The following RARB variants were observed in gnomAD, a reference collection of about 807,000 sequenced individuals.
RARB encodes HBV-activated protein.
In RARB, 17 loss-of-function variants were observed where a neutral mutation model predicts 51.9. That is an observed-to-expected ratio of 0.33 (90% confidence interval 0.22 to 0.49). The LOEUF (loss-of-function observed/expected upper bound fraction) is 0.49, where lower values mean the gene tolerates loss of function less well. Ranked by LOEUF, RARB falls within the 20% of genes least tolerant of loss-of-function variation. The probability of loss-of-function intolerance (pLI) is 0.99; values close to 1 mark genes in which losing one functional copy is unlikely to be tolerated. For missense variants in RARB, 369 were observed against 550.8 expected, an observed-to-expected ratio of 0.67 and a Z score of 3.30; for synonymous variants, 215 against 195.4, an observed-to-expected ratio of 1.10 and a Z score of -0.84.
At chr3:25,000,742 G>A (rs577597634) in intron 2 of RARB, among the ~76,000 whole-genome samples, 2 of 152,180 alleles carry the variant, frequency 1.3e-5, no homozygotes, top group East Asian at 1.9e-4. Flanking sequence ...GAGAAGTGGA[G>A]AACATAATTT....
At chr3:24,943,643 T>C (rs778986850) in intron 2 of RARB, among the ~76,000 whole-genome samples, 4 of 152,236 alleles carry the variant, frequency 2.6e-5, no homozygotes, top group Admixed American at 6.5e-5. Flanking sequence ...AGCCTCTTCA[T>C]TGTCTTTATT....
In RARB at chr3:25,286,149, CAT is replaced by C. The variant is rs1559344371; in HGVS notation, c.178+111575_178+111576del. Among the ~76,000 whole-genome samples, 65 of 124,096 alleles carry C rather than the reference CAT, an allele frequency of 5.2e-4. No homozygotes were observed. The East Asian group carries it at 0.015, about 30-fold the overall frequency. 81.4% of individuals were successfully genotyped at this position (124,096 alleles called of 152,430 possible). A position where few individuals can be genotyped will look rare whatever the true frequency, so the allele number is the denominator to read the frequency against. On this transcript the variant is annotated intron_variant, in intron 5 of 11. Coordinates refer to the RARB transcript ENST00000383772. ...TGTCACCAAGGCTGGAGTGCAGTGG[CAT>C]GATCTCAGCTCACTGCAAGCTCCAT... is the stretch of plus-strand genomic sequence containing the variant.
chr3:25,461,234 A>T lies in RARB; in HGVS notation c.199A>T (p.Ser67Cys). The T allele has an allele frequency of 6.2e-7, 1 of 1,613,904 alleles. No individual in the cohort carries two copies. The highest frequency in any genetic ancestry group is 1.1e-5 in the South Asian group (1 of 91,048). ...QSTSSEELVP[S>C]PPSPLPPPRV... ...CACCAGCTCTGAGGAACTCGTCCCAAGCCCCCCATCTCCACTTCCTCCCCC... is the reference window on the plus strand; with the variant it reads ...CACCAGCTCTGAGGAACTCGTCCCATGCCCCCCATCTCCACTTCCTCCCCC... The change falls in exon 2 of 8, where the codon AGC becomes TGC. Residue 67 changes from serine (S) to cysteine (C), a missense_variant. Ser to Cys is a moderately radical substitution (Grantham distance 112). Coordinates refer to ENST00000330688, the MANE Select transcript of RARB (RefSeq NM_000965.5).
intron 5 of RARB, among the ~76,000 whole-genome samples, chr3:25,416,873 C>G (rs900768472): frequency 1.3e-5 from 2 of 152,152 alleles, no homozygotes; most frequent in Non-Finnish European, 2.9e-5. Context: ...TCACAATAGC[C>G]TCCTCTGTTA....
At chr3:25,213,280 C>A (rs564575222) in intron 5 of RARB, among the ~76,000 whole-genome samples, 1 of 152,124 alleles carries the variant, frequency 6.6e-6, no homozygotes, top group Non-Finnish European at 1.5e-5. Flanking sequence ...ATCTGTACAG[C>A]TTTCTTTTGT....
At chr3:25,188,739 C>G (rs1252500793) in intron 5 of RARB, among the ~76,000 whole-genome samples, 2 of 86,652 alleles carry the variant, frequency 2.3e-5, no homozygotes, top group East Asian at 3.3e-4. Flanking sequence ...TATACATCAT[C>G]TTGTTTTTTA....
intron 5 of RARB, among the ~76,000 whole-genome samples, chr3:25,280,326 G>C (rs562071877): frequency 6.6e-6 from 1 of 152,278 alleles, no homozygotes; most frequent in African/African-American, 2.4e-5. Flanking sequence ...ACTCTCAAAT[G>C]AGGGTTTTTT....
intron 2 of RARB, among the ~76,000 whole-genome samples, chr3:25,038,187 C>A (rs74539999): frequency 1.3e-5 from 2 of 152,056 alleles, no homozygotes; most frequent in African/African-American, 4.8e-5. Context: ...GCCTCAGTTT[C>A]CCCATTTTTG....
At chr3:24,930,139 A>G (rs949252631) in intron 2 of RARB, among the ~76,000 whole-genome samples, 6 of 152,134 alleles carry the variant, frequency 3.9e-5, no homozygotes, top group Non-Finnish European at 7.4e-5. Context: ...CTAACACACA[A>G]AGTAGAAACA....
chr3:25,125,635 G>A lies in RARB; in HGVS notation c.-327-6526G>A, dbSNP rs114878575. The stretch of plus-strand genomic sequence containing the variant: ...AATAAATTGAATACTCTGACAGTGG[G>A]ATTAAATCTCCATAATCAGAAGCAT... On this transcript the variant is annotated intron_variant, in intron 3 of 11. Coordinates refer to the RARB transcript ENST00000383772. Among the ~76,000 whole-genome samples, 998 of 152,230 alleles carry A rather than the reference G, an allele frequency of 6.6e-3. 7 individuals carry two copies. Among genetic ancestry groups the A allele is most frequent in the African/African-American group, 0.022 (908 of 41,536 alleles).
chr3:24,988,018 T>G (rs1696831577), intron 2 of RARB, among the ~76,000 whole-genome samples: 1 of 152,068 alleles, frequency 6.6e-6, no homozygotes, highest in Non-Finnish European at 1.5e-5. Context: ...CATTTTACAG[T>G]AAGTAACAGA....
intron 4 of RARB, among the ~76,000 whole-genome samples, chr3:25,156,719 G>T (rs1575186182): frequency 6.6e-6 from 1 of 152,190 alleles, no homozygotes; most frequent in African/African-American, 2.4e-5. Flanking sequence ...CTTGGCATAA[G>T]ATGTCCAAGG....
chr3:24,998,982 C>CT (rs1041009209), intron 2 of RARB, among the ~76,000 whole-genome samples: 25 of 152,174 alleles, frequency 1.6e-4, no homozygotes, highest in African/African-American at 5.8e-4. Context: ...AATGAAAAAA[C>CT]TTGGATTCCA....
chr3:25,152,901 C>T (rs1195888458), intron 4 of RARB, among the ~76,000 whole-genome samples: 1 of 152,110 alleles, frequency 6.6e-6, no homozygotes. Context: ...CCAAGAAAAT[C>T]TAAAACTTCG....
chr3:25,401,198 A>C (rs1371979630), intron 5 of RARB, among the ~76,000 whole-genome samples: 2 of 152,146 alleles, frequency 1.3e-5, no homozygotes, highest in South Asian at 2.1e-4. Context: ...ACAACACCAT[A>C]AGGGTAGGTG....
chr3:25,359,961 G>C (rs573047866), intron 5 of RARB, among the ~76,000 whole-genome samples: 1 of 152,294 alleles, frequency 6.6e-6, no homozygotes, highest in East Asian at 1.9e-4. Context: ...GTTGATTTGA[G>C]GTGGAGAATT....
intron 4 of RARB, among the ~76,000 whole-genome samples, chr3:25,577,285 C>A (rs1413026658): frequency 6.6e-6 from 1 of 152,172 alleles, no homozygotes; most frequent in African/African-American, 2.4e-5. Flanking sequence ...CATAATGGTG[C>A]CTACCGCATG....
chr3:25,535,238 A>C (rs746676209), intron 3 of RARB, among the ~76,000 whole-genome samples: 1 of 152,050 alleles, frequency 6.6e-6, no homozygotes, highest in Non-Finnish European at 1.5e-5. Context: ...AATGTTGATG[A>C]ATTCTGAAAT....
intron 4 of RARB, among the ~76,000 whole-genome samples, chr3:25,572,244 G>A (rs1400721720): frequency 1.3e-5 from 2 of 152,134 alleles, no homozygotes; most frequent in African/African-American, 2.4e-5. Flanking sequence ...CACTTGAGGA[G>A]TCTGTAAATA....
Sources: allele counts gnomAD v4.1 joint callset (sites outside exome capture counted in the v4.1 genomes callset), GRCh38; gene constraint gnomAD v4.1.1; transcripts MANE v1.5; gene names NCBI Gene and HGNC (gene_info 2026-07-23, HGNC 2026-07-21).